Variants in SEMA5A observed in about 807,000 individuals in gnomAD.
The protein encoded by SEMA5A is semaphorin 5A.
SEMA5A carries 55 observed loss-of-function variants against 135.5 expected under a neutral mutation model. The ratio of observed to expected loss-of-function variants is 0.41; its 90% CI spans 0.33 to 0.51. The LOEUF is 0.51. Ranked by LOEUF, SEMA5A falls within the 20% of genes least tolerant of loss-of-function variation. The pLI is 0.37. For missense variants in SEMA5A, 1,290 were observed against 1,419.9 expected, an observed-to-expected ratio of 0.91 and a Z score of 1.47; for synonymous variants, 580 against 546.5, an observed-to-expected ratio of 1.06 and a Z score of -0.85.
chr5:9,455,268 T>A (rs977136842), intron 1 of SEMA5A, among the ~76,000 whole-genome samples: 2 of 151,816 alleles, frequency 1.3e-5, no homozygotes, highest in African/African-American at 4.8e-5. Flanking sequence ...TTTTTTTTTT[T>A]TTTTTGAGAC....
chr5:9,269,929 T>G (rs932090706), intron 5 of SEMA5A, among the ~76,000 whole-genome samples: 1 of 152,090 alleles, frequency 6.6e-6, no homozygotes, highest in Admixed American at 6.5e-5. Context: ...CCTGAGACTG[T>G]CATCCTAGAA....
intron 4 of SEMA5A, among the ~76,000 whole-genome samples, chr5:9,319,936 C>T (rs1752553009): frequency 6.6e-6 from 1 of 152,056 alleles, no homozygotes; most frequent in South Asian, 2.1e-4. Context: ...AAGAAACATC[C>T]CTATGAGTTA....
intron 6 of SEMA5A, among the ~76,000 whole-genome samples, chr5:9,229,903 C>T (rs1327291474): frequency 6.6e-6 from 1 of 152,122 alleles, no homozygotes; most frequent in Non-Finnish European, 1.5e-5. Flanking sequence ...AGGAGAATAA[C>T]CAAGATATCA....
chr5:9,357,857 C>G (rs1754520804), intron 3 of SEMA5A, among the ~76,000 whole-genome samples: 2 of 152,184 alleles, frequency 1.3e-5, no homozygotes, highest in African/African-American at 4.8e-5. Context: ...TCATGTCGTA[C>G]AGTATGGATG....
intron 2 of SEMA5A, among the ~76,000 whole-genome samples, chr5:9,387,301 T>C (rs1579456732): frequency 1.3e-5 from 2 of 152,284 alleles, no homozygotes; most frequent in South Asian, 4.1e-4. Context: ...ATCCTTAATC[T>C]GTATTAAACC....
chr5:9,175,551 C>T (rs1479229826), intron 11 of SEMA5A, among the ~76,000 whole-genome samples: 1 of 152,130 alleles, frequency 6.6e-6, no homozygotes, highest in Non-Finnish European at 1.5e-5. Context: ...CCTTTGAATG[C>T]CATACAACAT....
At chr5:9,088,319 G>C (rs993890718) in intron 16 of SEMA5A, among the ~76,000 whole-genome samples, 4 of 140,760 alleles carry the variant, frequency 2.8e-5, no homozygotes, top group Non-Finnish European at 6.1e-5. Flanking sequence ...AAAAAAAAAA[G>C]AAAAGAAAAG....
intron 18 of SEMA5A, among the ~76,000 whole-genome samples, chr5:9,056,073 C>A (rs556532672): frequency 2.0e-4 from 31 of 152,186 alleles, no homozygotes; most frequent in African/African-American, 6.7e-4. Flanking sequence ...TTTCTAAATG[C>A]GCACAAGGCA....
intron 5 of SEMA5A, among the ~76,000 whole-genome samples, chr5:9,311,039 G>T (rs981714377): frequency 6.6e-6 from 1 of 151,842 alleles, no homozygotes; most frequent in African/African-American, 2.4e-5. Flanking sequence ...TCACAGATTA[G>T]AAAATGGCTT....
intron 1 of SEMA5A, among the ~76,000 whole-genome samples, chr5:9,532,461 T>C (rs3846588): frequency 1.8e-5 from 2 of 112,890 alleles, no homozygotes; most frequent in African/African-American, 7.3e-5. Context: ...TTTTTTTTTG[T>C]ATTTTTAGTA....
chr5:9,513,025 C>T (rs268477), intron 1 of SEMA5A, among the ~76,000 whole-genome samples: 88,759 of 148,816 alleles, frequency 0.6, 27,304 homozygotes, highest in African/African-American at 0.65. Flanking sequence ...GCAAAAAATG[C>T]TCTGCCTTAT....
intron 16 of SEMA5A, among the ~76,000 whole-genome samples, chr5:9,102,590 AT>A (rs1415783124): frequency 1.3e-5 from 2 of 152,212 alleles, no homozygotes; most frequent in African/African-American, 2.4e-5. Flanking sequence ...TATTTATATC[AT>A]TAAATTATTT....
intron 1 of SEMA5A, among the ~76,000 whole-genome samples, chr5:9,494,264 T>C (rs562128426): frequency 6.6e-6 from 1 of 152,160 alleles, no homozygotes; most frequent in Non-Finnish European, 1.5e-5. Flanking sequence ...AAGTTAATTA[T>C]CTTTTAGCTC....
chr5:9,157,129 A>C (rs901427433), intron 11 of SEMA5A, among the ~76,000 whole-genome samples: 3 of 152,136 alleles, frequency 2.0e-5, no homozygotes, highest in African/African-American at 4.8e-5. Context: ...TCATGTGACG[A>C]GTCCCCTCCA....
Position 9,337,729 on chromosome 5 carries a change from G to A in SEMA5A, c.208C>T (p.Leu70Phe). The change falls in exon 4 of 23, where the codon CTT (leucine) becomes TTT (phenylalanine). Residue 70 changes from leucine (L) to phenylalanine (F), a missense_variant. Coordinates refer to ENST00000382496, the MANE Select transcript of SEMA5A (RefSeq NM_003966.3). Reference protein sequence around the residue: ...QLTFDPGQKELVVGARNYLFR... With the variant: ...QLTFDPGQKEFVVGARNYLFR... ...ATCTCTCACCTTGCTCCTACAACAA[G>A]TTCTTTCTGTCCTGGGTCAAATGTT... 1.9e-6 allele frequency: 3 copies of A among 1,609,760 alleles called. No homozygotes were observed. The highest frequency in any genetic ancestry group is 2.5e-6 in the Non-Finnish European group (3 of 1,177,192).
At chr5:9,200,345 T>C (rs1745636616) in intron 9 of SEMA5A, among the ~76,000 whole-genome samples, 1 of 152,208 alleles carries the variant, frequency 6.6e-6, no homozygotes, top group Non-Finnish European at 1.5e-5. Flanking sequence ...CATGGTACTT[T>C]TATAACTTCT....
intron 12 of SEMA5A, among the ~76,000 whole-genome samples, chr5:9,140,697 T>C (rs1383040696): frequency 1.3e-5 from 2 of 152,222 alleles, no homozygotes; most frequent in Non-Finnish European, 1.5e-5. Flanking sequence ...TAACATAGTG[T>C]ATATCACATA....
chr5:9,241,676 C>T (rs1748205060), intron 5 of SEMA5A, among the ~76,000 whole-genome samples: 1 of 152,102 alleles, frequency 6.6e-6, no homozygotes, highest in East Asian at 1.9e-4. Flanking sequence ...TCCATTGGAC[C>T]GTGTTGCACA....
At chr5:9,533,480 A>G (rs1327942451) in intron 1 of SEMA5A, among the ~76,000 whole-genome samples, 2 of 152,236 alleles carry the variant, frequency 1.3e-5, no homozygotes, top group Non-Finnish European at 2.9e-5. Flanking sequence ...ACCATATTGT[A>G]TATTTTAGGT....
Sources: gnomAD v4.1 joint callset for allele counts (sites outside exome capture counted in the v4.1 genomes callset) on GRCh38, gnomAD v4.1.1 for gene constraint, MANE v1.5 for transcripts, NCBI Gene and HGNC (gene_info 2026-07-23, HGNC 2026-07-21) for gene names.